Variants in PPP1R9A observed in about 807,000 individuals in gnomAD.
PPP1R9A encodes protein phosphatase 1 regulatory subunit 9A.
Under a neutral mutation model 141.9 loss-of-function variants are expected in PPP1R9A, and 59 were observed. The ratio of observed to expected loss-of-function variants is 0.42; its 90% CI spans 0.34 to 0.52. PPP1R9A has a LOEUF of 0.52. Ranked by LOEUF, PPP1R9A falls within the 20% of genes least tolerant of loss-of-function variation. PPP1R9A has a pLI of 0.10. For missense variants in PPP1R9A, 1,444 were observed against 1,611.9 expected, an observed-to-expected ratio of 0.90 and a Z score of 1.78; for synonymous variants, 500 against 569.7, an observed-to-expected ratio of 0.88 and a Z score of 1.74.
chr7:95,003,756 G>A (rs560636710), intron 2 of PPP1R9A, among the ~76,000 whole-genome samples: 1 of 152,266 alleles, frequency 6.6e-6, no homozygotes, highest in South Asian at 2.1e-4. Context: ...GTCTGGGTTA[G>A]GGCCTAGGCA....
At chr7:95,007,853 C>T (rs560892622) in intron 2 of PPP1R9A, among the ~76,000 whole-genome samples, 2 of 152,180 alleles carry the variant, frequency 1.3e-5, no homozygotes, top group African/African-American at 4.8e-5. Context: ...GGGCGGATCA[C>T]CTGAGGTCAG....
chr7:95,231,992 G>A (rs989980713), intron 8 of PPP1R9A, among the ~76,000 whole-genome samples: 1 of 152,082 alleles, frequency 6.6e-6, no homozygotes, highest in Non-Finnish European at 1.5e-5. Context: ...TAGATCTCTA[G>A]CGAGATTAAC....
At chr7:95,112,523 A>G (rs544738881) in intron 3 of PPP1R9A, among the ~76,000 whole-genome samples, 136 of 152,066 alleles carry the variant, frequency 8.9e-4, no homozygotes, top group African/African-American at 3.1e-3. Context: ...AATTGAACAT[A>G]GAACTATCAT....
intron 2 of PPP1R9A, among the ~76,000 whole-genome samples, chr7:95,001,398 G>A (rs1340115589): frequency 6.6e-6 from 1 of 152,134 alleles, no homozygotes; most frequent in Non-Finnish European, 1.5e-5. Context: ...AACCATGATG[G>A]TGATAAGCGT....
At chr7:95,003,998 A>G (rs1197498130) in intron 2 of PPP1R9A, among the ~76,000 whole-genome samples, 1 of 152,152 alleles carries the variant, frequency 6.6e-6, no homozygotes, top group African/African-American at 2.4e-5. Flanking sequence ...CACATGGGCC[A>G]GTGTGCAGTA....
intron 8 of PPP1R9A, among the ~76,000 whole-genome samples, chr7:95,235,104 A>C (rs1387349723): frequency 6.6e-6 from 1 of 152,160 alleles, no homozygotes; most frequent in Middle Eastern, 3.2e-3. Flanking sequence ...ACACTGGCTT[A>C]GGCAAAGAGT....
At chr7:94,923,566 C>A (rs568599470) in intron 2 of PPP1R9A, among the ~76,000 whole-genome samples, 1 of 152,152 alleles carries the variant, frequency 6.6e-6, no homozygotes, top group Admixed American at 6.5e-5. Context: ...GAATATGTTT[C>A]CTGTCCTAAA....
chr7:95,182,039 T>C (rs888350749), intron 5 of PPP1R9A, among the ~76,000 whole-genome samples: 36 of 151,300 alleles, frequency 2.4e-4, no homozygotes, highest in Non-Finnish European at 4.6e-4. Context: ...AAGGTTGGGG[T>C]GGCAAGGGAT....
chr7:95,144,995 A>C (rs891730500), intron 4 of PPP1R9A, among the ~76,000 whole-genome samples: 2 of 152,206 alleles, frequency 1.3e-5, no homozygotes, highest in East Asian at 3.8e-4. Flanking sequence ...TAACATCAAA[A>C]AGAATAAAAT....
At chr7:94,939,345 C>G (rs1398145112) in intron 2 of PPP1R9A, among the ~76,000 whole-genome samples, 4 of 152,094 alleles carry the variant, frequency 2.6e-5, no homozygotes, top group Non-Finnish European at 5.9e-5. Flanking sequence ...GCAGCACTTA[C>G]AGCAGTGCTG....
At chr7:95,068,637 C>T (rs1813324026) in intron 2 of PPP1R9A, among the ~76,000 whole-genome samples, 1 of 152,022 alleles carries the variant, frequency 6.6e-6, no homozygotes, top group Admixed American at 6.6e-5. Context: ...AGAGCCAGCC[C>T]CAAACTCAGG....
chr7:95,234,383 G>A (rs528201963), intron 8 of PPP1R9A, among the ~76,000 whole-genome samples: 36 of 152,190 alleles, frequency 2.4e-4, no homozygotes, highest in African/African-American at 8.7e-4. Flanking sequence ...TACACCAACA[G>A]CGACCAAGCT....
intron 2 of PPP1R9A, among the ~76,000 whole-genome samples, chr7:95,000,893 A>G (rs1359974089): frequency 6.6e-6 from 1 of 152,216 alleles, no homozygotes; most frequent in Non-Finnish European, 1.5e-5. Context: ...AATTTTGGTT[A>G]AAGAGAATGA....
intron 2 of PPP1R9A, among the ~76,000 whole-genome samples, chr7:94,925,828 T>G (rs1793411252): frequency 6.6e-6 from 1 of 152,042 alleles, no homozygotes; most frequent in African/African-American, 2.4e-5. Context: ...TTAATATTAT[T>G]ATTTTTATTA....
rs751240797 is a variant in PPP1R9A at position 94,911,368 on chromosome 7, A to G, written c.1255A>G (p.Thr419Ala). ...RYNSDWGETGTEQDEEEDSDE... is the reference protein window; with the variant it reads ...RYNSDWGETGAEQDEEEDSDE... ...TAATTCAGACTGGGGAGAGACAGGC[A>G]CTGAGCAGGATGAGGAGGAAGATAG... Residue 419 changes from threonine to alanine, a missense_variant, in exon 2 of 20, where the codon ACT (threonine) becomes GCT (alanine). Thr to Ala is a moderately conservative substitution (Grantham distance 58). This residue lies in a region of PPP1R9A where 490 missense variants were observed against 521.1 expected (regional missense o/e 0.94). Transcript: ENST00000433360. 6.2e-7 allele frequency: 1 copy of G among 1,614,040 alleles called. No individual in the cohort carries two copies. Among genetic ancestry groups the G allele is most frequent in the African/African-American group, 1.3e-5 (1 of 74,938 alleles).
chr7:95,067,634 T>G (rs1387198507), intron 2 of PPP1R9A, among the ~76,000 whole-genome samples: 1 of 152,204 alleles, frequency 6.6e-6, no homozygotes, highest in Non-Finnish European at 1.5e-5. Context: ...TCAGTGTCTG[T>G]GGGGGATAGG....
At chr7:95,019,383 A>G (rs1209797498) in intron 2 of PPP1R9A, among the ~76,000 whole-genome samples, 2 of 152,216 alleles carry the variant, frequency 1.3e-5, no homozygotes, top group Non-Finnish European at 2.9e-5. Flanking sequence ...ACTCAGTCTC[A>G]ATTAAAATAA....
At chr7:95,281,297 G>A (rs1050457514) in intron 16 of PPP1R9A, among the ~76,000 whole-genome samples, 2 of 152,150 alleles carry the variant, frequency 1.3e-5, no homozygotes, top group African/African-American at 4.8e-5. Flanking sequence ...CCTGAATCTG[G>A]TGATTTGCCA....
intron 4 of PPP1R9A, among the ~76,000 whole-genome samples, chr7:95,125,104 A>G (rs187439287): frequency 3.3e-5 from 5 of 152,156 alleles, no homozygotes; most frequent in South Asian, 2.1e-4. Flanking sequence ...AGGGTGCTCA[A>G]TAAATATTTG....
Sources: gnomAD v4.1 joint callset for allele counts (sites outside exome capture counted in the v4.1 genomes callset) on GRCh38, gnomAD v4.1.1 for gene constraint, gnomAD v4.1.1 regional missense constraint, MANE v1.5 for transcripts, NCBI Gene and HGNC (gene_info 2026-07-23, HGNC 2026-07-21) for gene names.